FTO: variants seen among roughly 807,000 people sequenced by gnomAD.
FTO encodes the protein alpha-ketoglutarate-dependent dioxygenase FTO.
Under a neutral mutation model 63.9 loss-of-function variants are expected in FTO, and 47 were observed. The observed-to-expected ratio is 0.74, with a 90% CI of 0.58 to 0.94. The LOEUF is 0.94. FTO is among the 40% of genes least tolerant of loss of function. FTO has a pLI of 0.00. For missense variants in FTO, 562 were observed against 618.1 expected, an observed-to-expected ratio of 0.91 and a Z score of 0.96; for synonymous variants, 207 against 224.4, an observed-to-expected ratio of 0.92 and a Z score of 0.69.
At chr16:53,789,502 T>A (rs2077837488) in intron 1 of FTO, among the ~76,000 whole-genome samples, 1 of 152,152 alleles carries the variant, frequency 6.6e-6, no homozygotes, top group Non-Finnish European at 1.5e-5. Flanking sequence ...TTATTAACAT[T>A]TTTTTCTGTT....
intron 4 of FTO, among the ~76,000 whole-genome samples, chr16:53,849,347 G>T (rs2079720318): frequency 6.6e-6 from 1 of 152,234 alleles, no homozygotes; most frequent in Non-Finnish European, 1.5e-5. Context: ...GTGGGAACTG[G>T]ACCATGGCAT....
chr16:54,070,384 G>A (rs1030966422), intron 8 of FTO: 2 of 152,100 alleles, frequency 1.3e-5, no homozygotes, highest in African/African-American at 2.4e-5. Context: ...ATAAATATAT[G>A]TATGTATCAG....
At chr16:53,933,841 T>TTG in intron 7 of FTO, 144 bp from the exon 8 acceptor site, 2 of 745,156 alleles carry the variant, frequency 2.7e-6, no homozygotes, top group Non-Finnish European at 4.4e-6. Context: ...CCGGCCATTT[T>TTG]TGGCCATCAT....
intron 4 of FTO, among the ~76,000 whole-genome samples, chr16:53,873,484 A>G (rs1183904644): frequency 6.7e-6 from 1 of 149,364 alleles, no homozygotes; most frequent in Non-Finnish European, 1.5e-5. Flanking sequence ...TTGCATATGT[A>G]TAAGTATATA....
intron 4 of FTO, among the ~76,000 whole-genome samples, chr16:53,859,540 A>G (rs1163048655): frequency 6.7e-6 from 1 of 148,930 alleles, no homozygotes; most frequent in African/African-American, 2.4e-5. Context: ...TATTAAATAT[A>G]TTTTAATGAT....
chr16:53,785,833 C>A (rs1443551612), intron 1 of FTO, among the ~76,000 whole-genome samples: 1 of 151,212 alleles, frequency 6.6e-6, no homozygotes, highest in Non-Finnish European at 1.5e-5. Context: ...TTGCTTGAAC[C>A]CGGGAGGCGG....
intron 6 of FTO, among the ~76,000 whole-genome samples, chr16:53,885,597 G>T (rs1026190321): frequency 1.3e-5 from 2 of 152,230 alleles, no homozygotes; most frequent in Non-Finnish European, 2.9e-5. Context: ...GATGCTTGAG[G>T]ACAGGAAGTC....
At chr16:54,054,377 A>G (rs2085381865) in intron 8 of FTO, among the ~76,000 whole-genome samples, 1 of 152,202 alleles carries the variant, frequency 6.6e-6, no homozygotes, top group Non-Finnish European at 1.5e-5. Context: ...AAATGCCAGC[A>G]TCCACATTTT....
At chr16:53,740,321 C>T (rs991907836) in intron 1 of FTO, among the ~76,000 whole-genome samples, 7 of 152,156 alleles carry the variant, frequency 4.6e-5, no homozygotes, top group African/African-American at 1.7e-4. Flanking sequence ...TGGATGTCAT[C>T]AGTTACATCT....
chr16:53,828,784 G>A (rs1228885009), intron 3 of FTO, among the ~76,000 whole-genome samples: 2 of 152,154 alleles, frequency 1.3e-5, no homozygotes, highest in African/African-American at 2.4e-5. Context: ...AGGATTTGAG[G>A]ACAAATATCC....
At chr16:53,774,690 A>G (rs954454101) in intron 1 of FTO, among the ~76,000 whole-genome samples, 1 of 152,180 alleles carries the variant, frequency 6.6e-6, no homozygotes, top group Non-Finnish European at 1.5e-5. Flanking sequence ...GGAGGACCAG[A>G]GAAATGGGCT....
intron 7 of FTO, 143 bp downstream of exon 7, chr16:53,889,094 C>T: frequency 2.0e-6 from 2 of 997,956 alleles, no homozygotes; most frequent in South Asian, 1.3e-5. Context: ...ATGGGTATAG[C>T]CAGGATTTTG....
At chr16:53,936,762 T>C (rs543210700) in intron 8 of FTO, among the ~76,000 whole-genome samples, 2 of 152,318 alleles carry the variant, frequency 1.3e-5, no homozygotes, top group African/African-American at 4.8e-5. Context: ...CCTCTGAAAG[T>C]TAAATACACA....
intron 1 of FTO, among the ~76,000 whole-genome samples, chr16:53,725,944 CACTT>C (rs1281235625): frequency 2.0e-5 from 3 of 152,198 alleles, no homozygotes; most frequent in Non-Finnish European, 4.4e-5. Context: ...CCTAGCTAGT[CACTT>C]AATGACAATC....
intron 3 of FTO, among the ~76,000 whole-genome samples, chr16:53,833,392 G>A (rs1329653681): frequency 1.3e-5 from 2 of 152,152 alleles, no homozygotes; most frequent in Non-Finnish European, 2.9e-5. Flanking sequence ...CCTTTTTAAA[G>A]ATGACTAATA....
intron 4 of FTO, 128 bp downstream of exon 4, chr16:53,844,426 T>C (rs957689950): frequency 6.6e-6 from 5 of 756,156 alleles, no homozygotes; most frequent in South Asian, 5.0e-5. Flanking sequence ...GAAACTTCTT[T>C]ATAAGAACAT....
At chr16:53,739,921 A>G (rs1307052406) in intron 1 of FTO, among the ~76,000 whole-genome samples, 1 of 152,190 alleles carries the variant, frequency 6.6e-6, no homozygotes, top group Admixed American at 6.5e-5. Context: ...ATAAAGTTTG[A>G]TCTCCCAAGG....
At chr16:53,802,481 CTT>C (rs2078253524) in intron 1 of FTO, among the ~76,000 whole-genome samples, 1 of 151,992 alleles carries the variant, frequency 6.6e-6, no homozygotes, top group African/African-American at 2.4e-5. Flanking sequence ...GCTTTTAAGA[CTT>C]TATCTTTTTC....
At chr16:53,996,104 T>C (rs1201449973) in intron 8 of FTO, among the ~76,000 whole-genome samples, 4 of 152,298 alleles carry the variant, frequency 2.6e-5, no homozygotes, top group African/African-American at 7.2e-5. Context: ...AGTGATTACA[T>C]TGATGTTGGT....
Sources: allele counts gnomAD v4.1 joint callset (sites outside exome capture counted in the v4.1 genomes callset), GRCh38; gene constraint gnomAD v4.1.1; transcripts MANE v1.5; gene names NCBI Gene and HGNC (gene_info 2026-07-23, HGNC 2026-07-21).